RPS6KA2: variants seen among roughly 807,000 people sequenced by gnomAD.
RPS6KA2 encodes the protein ribosomal protein S6 kinase alpha-2.
RPS6KA2 carries 42 observed loss-of-function variants against 91.8 expected under a neutral mutation model. The observed-to-expected ratio is 0.46, with a 90% confidence interval of 0.36 to 0.59. The LOEUF (loss-of-function observed/expected upper bound fraction) is 0.59. RPS6KA2 is among the 20% of genes least tolerant of loss of function. RPS6KA2 has a pLI of 0.00. For missense variants in RPS6KA2, 798 were observed against 978.5 expected (o/e 0.82, Z 2.46); for synonymous variants, 414 against 393.6 (o/e 1.05, Z -0.61).
At chr6:166,800,630 C>CA (rs1779344569) in intron 2 of RPS6KA2, among the ~76,000 whole-genome samples, 1 of 152,188 alleles carries the variant, frequency 6.6e-6, no homozygotes, top group Admixed American at 6.5e-5. Context: ...ACCGAACCTA[C>CA]AGTGCCTCGA....
chr6:166,540,934 C>T (rs1251133989), intron 1 of RPS6KA2, among the ~76,000 whole-genome samples: 1 of 152,208 alleles, frequency 6.6e-6, no homozygotes, highest in East Asian at 1.9e-4. Flanking sequence ...CTTTTCCCGT[C>T]ATTGACCTAC....
At position 166,447,784 on chromosome 6, in the gene RPS6KA2, G is replaced by A. The variant is rs113424800; in HGVS notation, c.1332+940C>T. ...GGCAGATGTTCTTTGAAGGGCAAGC[G>A]TAGCACCGTGTGCTACAGACGTGTC... On this transcript the variant is annotated intron_variant, in intron 14 of 20. Transcript: ENST00000265678. Among the ~76,000 whole-genome samples, 66 of 152,280 alleles carry A rather than the reference G, an allele frequency of 4.3e-4. No individual in the cohort carries two copies. The East Asian group carries it at 8.7e-3, about 20-fold the overall frequency.
intron 13 of RPS6KA2, 97 bp downstream of exon 13, chr6:166,451,006 C>A: frequency 6.7e-7 from 1 of 1,484,384 alleles, no homozygotes; most frequent in Non-Finnish European, 9.3e-7. Context: ...ATCCTAAGCA[C>A]CCAACCCCCG....
At chr6:166,776,755 T>C (rs11968045) in intron 2 of RPS6KA2, among the ~76,000 whole-genome samples, 1,806 of 152,384 alleles carry the variant, frequency 0.012, 34 homozygotes, top group African/African-American at 0.036. Context: ...TTCCCTTTAG[T>C]GGCTACATAA....
chr6:166,647,389 G>C (rs1787639416), intron 2 of RPS6KA2, among the ~76,000 whole-genome samples: 1 of 152,168 alleles, frequency 6.6e-6, no homozygotes, highest in African/African-American at 2.4e-5. Flanking sequence ...GGTTAGTGCA[G>C]TTCTCTGCTG....
intron 1 of RPS6KA2, among the ~76,000 whole-genome samples, chr6:166,559,596 A>G (rs529643685): frequency 1.6e-4 from 25 of 152,334 alleles, no homozygotes; most frequent in South Asian, 1.0e-3. Context: ...AGTAACTTGT[A>G]TGAGTAAAAA....
At chr6:166,734,331 G>T (rs1790612082) in intron 2 of RPS6KA2, among the ~76,000 whole-genome samples, 1 of 152,176 alleles carries the variant, frequency 6.6e-6, no homozygotes, top group South Asian at 2.1e-4. Flanking sequence ...TGGAGTAAGG[G>T]TTTATACTGA....
intron 2 of RPS6KA2, among the ~76,000 whole-genome samples, chr6:166,721,043 CTT>C (rs1207215063): frequency 6.6e-6 from 1 of 152,218 alleles, no homozygotes; most frequent in Non-Finnish European, 1.5e-5. Flanking sequence ...CTGTGTACCT[CTT>C]AACACCTGAG....
intron 1 of RPS6KA2, among the ~76,000 whole-genome samples, chr6:166,561,297 G>A (rs1397647058): frequency 6.6e-6 from 1 of 152,074 alleles, no homozygotes; most frequent in Non-Finnish European, 1.5e-5. Context: ...ATGAGACCCT[G>A]TGCCCAGCTC....
intron 1 of RPS6KA2, among the ~76,000 whole-genome samples, chr6:166,572,760 T>C (rs1192232100): frequency 6.6e-6 from 1 of 152,158 alleles, no homozygotes; most frequent in Non-Finnish European, 1.5e-5. Flanking sequence ...AAGAGGAACA[T>C]AGCCCACACG....
chr6:166,768,758 T>A (rs932256548), intron 2 of RPS6KA2, among the ~76,000 whole-genome samples: 1 of 152,154 alleles, frequency 6.6e-6, no homozygotes, highest in African/African-American at 2.4e-5. Context: ...CTGTGTGAGA[T>A]CTGATTTGCT....
At chr6:166,545,797 A>G (rs1420172956) in intron 1 of RPS6KA2, among the ~76,000 whole-genome samples, 3 of 152,144 alleles carry the variant, frequency 2.0e-5, no homozygotes, top group Admixed American at 1.3e-4. Flanking sequence ...TTTATAAATC[A>G]CAGTCAAGGC....
At chr6:166,480,065 A>T (rs1278826272) in intron 10 of RPS6KA2, among the ~76,000 whole-genome samples, 1 of 151,906 alleles carries the variant, frequency 6.6e-6, no homozygotes, top group Non-Finnish European at 1.5e-5. Context: ...AATATATTTG[A>T]AGGATATATT....
chr6:166,808,331 T>C (rs1159128336), intron 2 of RPS6KA2, among the ~76,000 whole-genome samples: 2 of 152,248 alleles, frequency 1.3e-5, no homozygotes, highest in Admixed American at 6.5e-5. Flanking sequence ...CTGAAGTCTC[T>C]CTTTACTCCC....
Position 166,574,210 on chromosome 6 carries a change from C to T in RPS6KA2, c.100-35426G>A, listed in dbSNP as rs528551161. On this transcript the variant is annotated intron_variant, in intron 1 of 20. Coordinates refer to ENST00000265678, the MANE Select transcript of RPS6KA2 (RefSeq NM_021135.6). ...AGGAGGTCCATGTGCAGGTTTGTTA[C>T]GTGGGTCTATTGCATGACGCTGTGG... is the stretch of plus-strand genomic sequence containing the variant. Among the ~76,000 whole-genome samples the T allele has an allele frequency of 1.1e-4, 16 of 152,262 alleles. No individual in the cohort carries two copies. The South Asian group carries it at 2.9e-3, about 28-fold the overall frequency.
chr6:166,447,849 C>G (rs1779728692), intron 14 of RPS6KA2, among the ~76,000 whole-genome samples: 1 of 152,226 alleles, frequency 6.6e-6, no homozygotes, highest in South Asian at 2.1e-4. Context: ...GATGGCAACA[C>G]AGGCTGGGAC....
intron 2 of RPS6KA2, among the ~76,000 whole-genome samples, chr6:166,831,003 G>A (rs1399992172): frequency 6.6e-6 from 1 of 152,150 alleles, no homozygotes; most frequent in Non-Finnish European, 1.5e-5. Context: ...CTTCTGCAAC[G>A]AAGGCCTCCC....
At chr6:166,673,881 C>T (rs1788548084) in intron 2 of RPS6KA2, among the ~76,000 whole-genome samples, 1 of 152,208 alleles carries the variant, frequency 6.6e-6, no homozygotes, top group South Asian at 2.1e-4. Context: ...TTAAAAATAG[C>T]TTTGATTTGT....
chr6:166,703,992 T>G (rs1340024145), intron 2 of RPS6KA2, among the ~76,000 whole-genome samples: 1 of 152,242 alleles, frequency 6.6e-6, no homozygotes, highest in African/African-American at 2.4e-5. Context: ...TCAGAAGAGC[T>G]TAAATATAAT....
Sources: allele counts gnomAD v4.1 joint callset (sites outside exome capture counted in the v4.1 genomes callset), GRCh38; gene constraint gnomAD v4.1.1; transcripts MANE v1.5; gene names NCBI Gene and HGNC (gene_info 2026-07-23, HGNC 2026-07-21).